SPRED2: variants seen among roughly 807,000 people sequenced by gnomAD.
SPRED2 encodes the protein sprouty related EVH1 domain containing 2, also known as sprouty-related, EVH1 domain-containing protein 2.
A neutral mutation model predicts 43.0 loss-of-function variants in SPRED2; 47 were observed. The ratio of observed to expected loss-of-function variants is 1.09; its 90% CI spans 0.87 to 1.40. The LOEUF (loss-of-function observed/expected upper bound fraction) is 1.40. Ranked by LOEUF, SPRED2 falls within the 40% of genes most tolerant of loss-of-function variation. The pLI, the probability that SPRED2 is intolerant of heterozygous loss-of-function variation, is 0.00. For synonymous variants in SPRED2, 225 were observed against 225.7 expected (o/e 1.00, Z 0.03); for missense variants, 561 against 586.4 (o/e 0.96, Z 0.45).
At chr2:65,392,716 G>A (rs1675666710) in intron 1 of SPRED2, among the ~76,000 whole-genome samples, 1 of 152,174 alleles carries the variant, frequency 6.6e-6, no homozygotes, top group African/African-American at 2.4e-5. Context: ...ATACAAACTA[G>A]GGATTTGCAT....
At position 65,311,333 on chromosome 2, in the gene SPRED2, C is replaced by T. The variant is rs77883330; in HGVS notation, c.*2168G>A. 26,444 of 985,614 alleles carry T rather than the reference C, an allele frequency of 0.027. 387 individuals carry two copies. Among genetic ancestry groups the T allele is most frequent in the Middle Eastern group, 0.049 (94 of 1,914 alleles). 61.1% of individuals were successfully genotyped at this position (985,614 alleles called of 1,614,324 possible). ...ATGCCTTCACAAACCAAAAAGTATA[C>T]GTGGAGTAAGATCTGCTAGCGTAAC... On this transcript the variant is annotated 3_prime_UTR_variant, in exon 6 of 6. Coordinates refer to ENST00000356388, the MANE Select transcript of SPRED2 (RefSeq NM_181784.3).
At chr2:65,409,158 G>A (rs994912062) in intron 1 of SPRED2, among the ~76,000 whole-genome samples, 5 of 152,154 alleles carry the variant, frequency 3.3e-5, no homozygotes, top group African/African-American at 4.8e-5. Flanking sequence ...AACACTGGTC[G>A]CACAGCTAAT....
At chr2:65,372,814 G>C (rs557019359) in intron 1 of SPRED2, among the ~76,000 whole-genome samples, 10 of 152,198 alleles carry the variant, frequency 6.6e-5, no homozygotes, top group Non-Finnish European at 1.5e-4. Context: ...AAGCATGCTA[G>C]ACCCAAATCT....
At chr2:65,356,141 T>G (rs762427094) in intron 1 of SPRED2, among the ~76,000 whole-genome samples, 1 of 152,172 alleles carries the variant, frequency 6.6e-6, no homozygotes, top group Non-Finnish European at 1.5e-5. Context: ...TTTCACATTA[T>G]TGGAGAAAAC....
chr2:65,352,858 A>G (rs984084097), intron 1 of SPRED2, among the ~76,000 whole-genome samples: 4 of 152,190 alleles, frequency 2.6e-5, no homozygotes, highest in Non-Finnish European at 4.4e-5. Context: ...TCCTGGCCTC[A>G]AATGATCCAC....
intron 1 of SPRED2, among the ~76,000 whole-genome samples, chr2:65,376,704 T>C (rs906700663): frequency 1.3e-5 from 2 of 152,282 alleles, no homozygotes; most frequent in African/African-American, 4.8e-5. Flanking sequence ...GCTGTTTATC[T>C]CTTCACAGTC....
At chr2:65,343,236 T>A (rs1674244012) in intron 2 of SPRED2, among the ~76,000 whole-genome samples, 1 of 152,346 alleles carries the variant, frequency 6.6e-6, no homozygotes, top group East Asian at 1.9e-4. Context: ...TACATTGCTT[T>A]TTATTGCAAA....
chr2:65,353,192 G>A (rs1674558217), intron 1 of SPRED2, among the ~76,000 whole-genome samples: 4 of 152,156 alleles, frequency 2.6e-5, no homozygotes, highest in Admixed American at 2.6e-4. Flanking sequence ...GTTGGGCTCA[G>A]AATCTATGAG....
At chr2:65,423,263 T>C (rs1363276690) in intron 1 of SPRED2, among the ~76,000 whole-genome samples, 2 of 152,232 alleles carry the variant, frequency 1.3e-5, no homozygotes, top group African/African-American at 2.4e-5. Context: ...TGAATGCTGC[T>C]GGTAATAAGG....
chr2:65,316,772 G>A lies in SPRED2; in HGVS notation c.550C>T (p.His184Tyr), dbSNP rs774924062. The A allele has an allele frequency of 1.9e-6, 3 of 1,612,848 alleles. No individual in the cohort carries two copies. In the South Asian group the frequency reaches 3.3e-5, roughly 18 times the overall value. Residue 184 changes from histidine to tyrosine, a missense_variant, in exon 5 of 6, where the codon CAC becomes TAC. By Grantham distance (83) the His-to-Tyr change is moderately conservative. Transcript: ENST00000356388. ...TAGTGGTCTGTGGGGTATGAGTCGTGGAGGTGGCCCAGGGTATAAATCCTC... is the reference window on the plus strand; with the variant it reads ...TAGTGGTCTGTGGGGTATGAGTCGTAGAGGTGGCCCAGGGTATAAATCCTC... ...HRRIYTLGHL[H>Y]DSYPTDHYHL...
chr2:65,337,471 A>G (rs1258259889), intron 2 of SPRED2, among the ~76,000 whole-genome samples: 1 of 152,080 alleles, frequency 6.6e-6, no homozygotes, highest in Non-Finnish European at 1.5e-5. Context: ...TGAAGACATG[A>G]GGACTCCATT....
At chr2:65,318,370 C>G (rs1205146537) in intron 4 of SPRED2, among the ~76,000 whole-genome samples, 7 of 152,066 alleles carry the variant, frequency 4.6e-5, no homozygotes, top group Middle Eastern at 3.4e-3. Flanking sequence ...CCAGGCGACC[C>G]CAGGTGGTGG....
chr2:65,334,506 G>A (rs536902452), intron 3 of SPRED2, 99 bp downstream of exon 3: 40 of 1,467,202 alleles, frequency 2.7e-5, no homozygotes, highest in South Asian at 1.4e-4. Flanking sequence ...AAACCCTCCC[G>A]CAAATAAACC....
chr2:65,323,464 G>T (rs1171934582), intron 4 of SPRED2, among the ~76,000 whole-genome samples: 2 of 152,052 alleles, frequency 1.3e-5, no homozygotes, highest in African/African-American at 4.8e-5. Context: ...AGAAGGGAAG[G>T]GGGTGAAAGC....
intron 2 of SPRED2, 81 bp downstream of exon 2, chr2:65,344,638 G>A (rs769329428): frequency 3.8e-5 from 59 of 1,536,004 alleles, no homozygotes; most frequent in South Asian, 4.7e-5. Flanking sequence ...AAAAAAATAC[G>A]TTAAGGAAAG....
At chr2:65,344,685 T>C (rs1226646888) in intron 2 of SPRED2, 34 bp downstream of exon 2, 31 of 1,611,046 alleles carry the variant, frequency 1.9e-5, no homozygotes, top group South Asian at 6.6e-5. Flanking sequence ...CAGTTGTTAC[T>C]AATTTAACCC....
chr2:65,356,957 G>A (rs1271678785), intron 1 of SPRED2, among the ~76,000 whole-genome samples: 1 of 152,090 alleles, frequency 6.6e-6, no homozygotes, highest in African/African-American at 2.4e-5. Flanking sequence ...TCACGCTACT[G>A]CACTCCAGCC....
At chr2:65,415,157 A>C (rs1053192084) in intron 1 of SPRED2, among the ~76,000 whole-genome samples, 2 of 152,196 alleles carry the variant, frequency 1.3e-5, no homozygotes, top group African/African-American at 4.8e-5. Context: ...TTTTTATACA[A>C]TTCAGTGGCA....
In SPRED2 at chr2:65,432,096, AG is replaced by A. The variant is rs961628376; in HGVS notation, c.-110del. ...TCTCCGGAGATCGCCTGATTTGGGG[AG>A]GGGGGGCGGCTAGAGATGAAGAGGG... On this transcript the variant is annotated 5_prime_UTR_variant, in exon 1 of 6. Transcript: ENST00000356388. The A allele has an allele frequency of 7.2e-5, 103 of 1,438,060 alleles. No individual in the cohort carries two copies. The highest frequency in any genetic ancestry group is 1.6e-4 in the South Asian group (14 of 85,186). 89.1% of individuals were successfully genotyped at this position (1,438,060 alleles called of 1,614,324 possible).
Sources: allele counts gnomAD v4.1 joint callset (sites outside exome capture counted in the v4.1 genomes callset), GRCh38; gene constraint gnomAD v4.1.1; transcripts MANE v1.5; gene names NCBI Gene and HGNC (gene_info 2026-07-23, HGNC 2026-07-21).